The following TRIM9 variants were observed in gnomAD, a reference collection of about 807,000 sequenced individuals.
TRIM9 encodes E3 ubiquitin-protein ligase TRIM9.
TRIM9 carries 26 observed loss-of-function variants against 78.3 expected under a neutral mutation model. That is an observed-to-expected ratio of 0.33 (90% CI 0.24 to 0.46). The LOEUF is 0.46. Ranked by LOEUF, TRIM9 falls within the 20% of genes least tolerant of loss-of-function variation. The pLI is 1.00. For synonymous variants in TRIM9, 398 were observed against 416.5 expected (o/e 0.96, Z 0.54); for missense variants, 787 against 1,036.4 (o/e 0.76, Z 3.30).
intron 1 of TRIM9, among the ~76,000 whole-genome samples, chr14:51,083,289 G>A (rs998262155): frequency 6.6e-6 from 1 of 152,010 alleles, no homozygotes; most frequent in Non-Finnish European, 1.5e-5. Context: ...GTCTCACTTT[G>A]TCACCCAGGC....
At position 50,986,027 on chromosome 14, in the gene TRIM9, G is replaced by C. The variant is rs1012539949; in HGVS notation, c.1721C>G (p.Ser574Cys). ...GGGTGAGGATCGGAAATCAAAGTAG[G>C]ATCTCCCGGGGAAGCTGGGTTGTAG... ...LNLQPSFPGR[S>C]YFDFRSSPHQ... is the part of the protein sequence containing the mutation. Residue 574 changes from serine to cysteine, a missense_variant, in exon 8 of 13, where the codon TCC becomes TGC. Ser to Cys is a moderately radical substitution (Grantham distance 112). Coordinates refer to ENST00000684578, the MANE Select transcript of TRIM9 (RefSeq NM_001387360.1). 3.2e-6 allele frequency: 5 copies of C among 1,549,708 alleles called. No homozygotes were observed. Among genetic ancestry groups the C allele is most frequent in the Non-Finnish European group, 4.4e-6 (5 of 1,146,542 alleles).
At chr14:51,082,965 G>T (rs2063442573) in intron 1 of TRIM9, among the ~76,000 whole-genome samples, 2 of 152,068 alleles carry the variant, frequency 1.3e-5, no homozygotes, top group African/African-American at 4.8e-5. Flanking sequence ...TGTGACTTTG[G>T]GTTTCTTGGT....
intron 9 of TRIM9, among the ~76,000 whole-genome samples, 175 bp from the exon 10 acceptor site, chr14:50,983,140 T>G (rs1258593185): frequency 6.6e-6 from 1 of 152,216 alleles, no homozygotes; most frequent in African/African-American, 2.4e-5. Context: ...TTAGTGCTCA[T>G]AAAGAGTGCT....
At chr14:50,994,744 G>C (rs927030008) in intron 7 of TRIM9, among the ~76,000 whole-genome samples, 5 of 152,190 alleles carry the variant, frequency 3.3e-5, no homozygotes, top group Non-Finnish European at 5.9e-5. Flanking sequence ...CTCTTTTGCA[G>C]ATGGTTTCAA....
intron 1 of TRIM9, among the ~76,000 whole-genome samples, chr14:51,066,103 C>T (rs959021686): frequency 1.1e-3 from 18 of 16,602 alleles, no homozygotes; most frequent in African/African-American, 4.0e-3. Context: ...GAGGGAGGGA[C>T]GGAGGGAGGG....
intron 1 of TRIM9, among the ~76,000 whole-genome samples, chr14:51,070,090 G>A (rs1054989186): frequency 6.6e-6 from 1 of 152,130 alleles, no homozygotes; most frequent in Non-Finnish European, 1.5e-5. Context: ...TCAGTGTCAT[G>A]TTTTTCATTT....
intron 12 of TRIM9, 54 bp downstream of exon 12, chr14:50,979,332 GC>G (rs1454491587): frequency 6.2e-7 from 1 of 1,614,074 alleles, no homozygotes; most frequent in East Asian, 2.2e-5. Flanking sequence ...GCCCTGGGCA[GC>G]CTTTGAACCG....
chr14:51,044,296 C>T (rs1185354789), intron 1 of TRIM9, among the ~76,000 whole-genome samples: 1 of 152,124 alleles, frequency 6.6e-6, no homozygotes, highest in Non-Finnish European at 1.5e-5. Context: ...CTACCAACTG[C>T]CTTCTAAATA....
In TRIM9 at chr14:50,981,807, T is replaced by C. The variant is rs1425616896; in HGVS notation, c.2155A>G (p.Thr719Ala). 1 of 1,614,096 alleles carries C rather than the reference T, an allele frequency of 6.2e-7. No individual in the cohort carries two copies. The highest frequency in any genetic ancestry group is 1.7e-5 in the Admixed American group (1 of 60,024). The part of the protein sequence containing the change: ...RSWFMHNNSH[T>A]NRTEGGITKG... The stretch of plus-strand genomic sequence containing the variant: ...TTGGGGGCTGCAGGGTACCTGTTGG[T>C]GTGCGAGTTGTTGTGCATGAACCAG... Residue 719 changes from threonine (T) to alanine (A), a missense_variant, in exon 11 of 13, where the codon ACC becomes GCC. By Grantham distance (58) the Thr-to-Ala change is moderately conservative. Transcript: ENST00000684578.
At chr14:51,024,943 C>T (rs2058082420) in intron 2 of TRIM9, among the ~76,000 whole-genome samples, 1 of 152,100 alleles carries the variant, frequency 6.6e-6, no homozygotes, top group Non-Finnish European at 1.5e-5. Context: ...GTTTTACAAG[C>T]TCAACAATAA....
At chr14:51,073,709 C>A (rs2062503352) in intron 1 of TRIM9, among the ~76,000 whole-genome samples, 1 of 152,178 alleles carries the variant, frequency 6.6e-6, no homozygotes, top group Non-Finnish European at 1.5e-5. Context: ...TTCTGTTCTT[C>A]TGATTTATTG....
At chr14:51,061,593 C>A (rs2061356651) in intron 1 of TRIM9, among the ~76,000 whole-genome samples, 1 of 151,998 alleles carries the variant, frequency 6.6e-6, no homozygotes, top group South Asian at 2.1e-4. Context: ...TTTGCTCATT[C>A]CAAACTGAAA....
At chr14:50,994,041 T>A (rs12586732) in intron 7 of TRIM9, among the ~76,000 whole-genome samples, 1 of 152,012 alleles carries the variant, frequency 6.6e-6, no homozygotes, top group African/African-American at 2.4e-5. Context: ...GTGATTACAT[T>A]AAGGATCTTG....
At chr14:51,003,504 C>A (rs1337366207) in intron 5 of TRIM9, among the ~76,000 whole-genome samples, 1 of 152,128 alleles carries the variant, frequency 6.6e-6, no homozygotes, top group Non-Finnish European at 1.5e-5. Context: ...CTTACAATGT[C>A]TCTGATAAGA....
At chr14:51,025,967 G>T (rs60407268) in intron 1 of TRIM9, among the ~76,000 whole-genome samples, 6,588 of 152,166 alleles carry the variant, frequency 0.043, 203 homozygotes, top group African/African-American at 0.076. Context: ...CGACACCAAG[G>T]CTTACTCTCT....
At chr14:51,060,621 C>A (rs545521544) in intron 1 of TRIM9, among the ~76,000 whole-genome samples, 1 of 152,170 alleles carries the variant, frequency 6.6e-6, no homozygotes, top group African/African-American at 2.4e-5. Context: ...CGCCTGCCAC[C>A]ACGCCCGGCT....
chr14:51,063,078 T>A (rs755762091), intron 1 of TRIM9, among the ~76,000 whole-genome samples: 1 of 152,050 alleles, frequency 6.6e-6, no homozygotes, highest in Non-Finnish European at 1.5e-5. Context: ...AAAACAGCTA[T>A]GATAAAGATG....
chr14:51,036,800 A>T (rs1295801454), intron 1 of TRIM9, among the ~76,000 whole-genome samples: 1 of 152,152 alleles, frequency 6.6e-6, no homozygotes, highest in Non-Finnish European at 1.5e-5. Context: ...TTATTTTAAA[A>T]CTAGATTTGT....
intron 7 of TRIM9, chr14:50,996,662 T>A: frequency 1.0e-6 from 1 of 985,412 alleles, no homozygotes; most frequent in Non-Finnish European, 1.2e-6. Context: ...GAAAGACTCT[T>A]GGAGGGCTTT....
Sources: allele counts gnomAD v4.1 joint callset (sites outside exome capture counted in the v4.1 genomes callset), GRCh38; gene constraint gnomAD v4.1.1; transcripts MANE v1.5; gene names NCBI Gene and HGNC (gene_info 2026-07-23, HGNC 2026-07-21).